Variants in GRIP1 observed in about 807,000 individuals in gnomAD.
GRIP1 encodes the protein glutamate receptor interacting protein 1, also known as glutamate receptor-interacting protein 1.
In GRIP1, 45 loss-of-function variants were observed where a neutral mutation model predicts 129.9. The observed-to-expected ratio is 0.35, with a 90% CI of 0.27 to 0.44. The LOEUF (loss-of-function observed/expected upper bound fraction) is 0.44. Ranked by LOEUF, GRIP1 falls within the 20% of genes least tolerant of loss-of-function variation. The pLI, the probability that GRIP1 is intolerant of heterozygous loss-of-function variation, is 1.00. For missense variants in GRIP1, 1,196 were observed against 1,396.8 expected (o/e 0.86, Z 2.29); for synonymous variants, 530 against 520.8 (o/e 1.02, Z -0.24).
rs1161842314 is a variant in GRIP1 at position 66,418,044 on chromosome 12, AGAGCTAAAGTAACCCAAACACCAT to A, written c.1838+2652_1838+2675del. ...ATTATCTGACTTCAAATTATACTACAGAGCTAAAGTAACCCAAACACCATGGCACTGACAAAAAAACACACATAT... is the reference window on the plus strand; with the variant it reads ...ATTATCTGACTTCAAATTATACTACAGGCACTGACAAAAAAACACACATAT... On this transcript the variant is annotated intron_variant, in intron 15 of 24. Transcript: ENST00000359742. 3.9e-5 allele frequency among the ~76,000 whole-genome samples: 6 copies of A among 152,214 alleles called. No individual in the cohort carries two copies. The East Asian group carries it at 7.7e-4, about 20-fold the overall frequency.
chr12:66,604,538 A>T (rs73325137), intron 1 of GRIP1, among the ~76,000 whole-genome samples: 2,116 of 152,338 alleles, frequency 0.014, 57 homozygotes, highest in African/African-American at 0.049. Context: ...AATTAAAAAC[A>T]TTAAAATCTT....
At chr12:66,391,392 AG>A (rs2056580139) in intron 19 of GRIP1, among the ~76,000 whole-genome samples, 1 of 152,222 alleles carries the variant, frequency 6.6e-6, no homozygotes, top group South Asian at 2.1e-4. Context: ...ATTTTTTAAA[AG>A]AAGCTATTAG....
chr12:66,863,732 C>T (rs1350135633), intron 1 of GRIP1, among the ~76,000 whole-genome samples: 2 of 152,090 alleles, frequency 1.3e-5, no homozygotes, highest in Admixed American at 6.6e-5. Flanking sequence ...GTTCCTCATA[C>T]GCCCTGTGTT....
At chr12:66,607,608 C>T (rs1477905898) in intron 1 of GRIP1, among the ~76,000 whole-genome samples, 1 of 152,162 alleles carries the variant, frequency 6.6e-6, no homozygotes, top group Non-Finnish European at 1.5e-5. Flanking sequence ...GGTGGTATGA[C>T]TTGTGTAGCT....
chr12:66,573,944 C>G (rs865986911), intron 2 of GRIP1, among the ~76,000 whole-genome samples: 1 of 152,136 alleles, frequency 6.6e-6, no homozygotes, highest in African/African-American at 2.4e-5. Flanking sequence ...AGTTCTGCCT[C>G]TAAGATCATG....
At chr12:66,813,373 C>A (rs934151346) in intron 1 of GRIP1, among the ~76,000 whole-genome samples, 42 of 152,278 alleles carry the variant, frequency 2.8e-4, no homozygotes, top group Middle Eastern at 3.4e-3. Flanking sequence ...CCAAGGACCT[C>A]CACTAGGCCC....
chr12:66,611,802 G>A (rs1251922361), intron 1 of GRIP1, among the ~76,000 whole-genome samples: 4 of 386 alleles, frequency 0.01, no homozygotes, highest in South Asian at 0.071. Context: ...TTTCTTCTAC[G>A]GTTTATACAA....
intron 1 of GRIP1, among the ~76,000 whole-genome samples, chr12:66,885,574 CA>C: frequency 6.6e-6 from 1 of 152,188 alleles, no homozygotes; most frequent in Non-Finnish European, 1.5e-5. Context: ...AAGATCAGAT[CA>C]CAGATCACAG....
chr12:66,580,087 A>C (rs1447108405), intron 2 of GRIP1, among the ~76,000 whole-genome samples: 1 of 149,362 alleles, frequency 6.7e-6, no homozygotes, highest in African/African-American at 2.5e-5. Flanking sequence ...GCCAGAAGAC[A>C]GTGGGGGCCA....
At chr12:66,941,613 G>A (rs904111633) in intron 1 of GRIP1, among the ~76,000 whole-genome samples, 6 of 152,138 alleles carry the variant, frequency 3.9e-5, no homozygotes, top group African/African-American at 1.4e-4. Flanking sequence ...ACCGTGAGGA[G>A]CTGCTACAGG....
intron 19 of GRIP1, among the ~76,000 whole-genome samples, chr12:66,390,684 A>G (rs527309775): frequency 6.6e-6 from 1 of 152,206 alleles, no homozygotes; most frequent in Non-Finnish European, 1.5e-5. Context: ...GGTAACAAAA[A>G]TATCTCTACA....
At chr12:66,689,064 G>A (rs112730808) in intron 1 of GRIP1, among the ~76,000 whole-genome samples, 426 of 152,302 alleles carry the variant, frequency 2.8e-3, no homozygotes, top group African/African-American at 9.7e-3. Flanking sequence ...CAAAGGATCA[G>A]AAATGGGAGT....
intron 1 of GRIP1, among the ~76,000 whole-genome samples, chr12:67,010,297 G>A (rs186118997): frequency 1.2e-3 from 186 of 152,298 alleles, no homozygotes; most frequent in Admixed American, 1.2e-3. Context: ...ACAAGTGTAA[G>A]ATCTGACCTA....
intron 1 of GRIP1, among the ~76,000 whole-genome samples, chr12:66,932,425 T>C (rs1228780559): frequency 6.6e-6 from 1 of 152,206 alleles, no homozygotes; most frequent in Non-Finnish European, 1.5e-5. Context: ...GAAATCATCA[T>C]GATCATACAC....
chr12:66,465,195 C>T, intron 8 of GRIP1, 80 bp downstream of exon 8: 2 of 1,232,796 alleles, frequency 1.6e-6, no homozygotes, highest in Admixed American at 1.7e-5. Context: ...ATTCACCCGC[C>T]TCGGCCTCCC....
At chr12:66,416,191 A>T (rs909395439) in intron 15 of GRIP1, among the ~76,000 whole-genome samples, 2 of 152,178 alleles carry the variant, frequency 1.3e-5, no homozygotes, top group African/African-American at 4.8e-5. Flanking sequence ...TAAGAAAATT[A>T]AAAAATTTCG....
chr12:66,928,978 C>A, intron 1 of GRIP1, among the ~76,000 whole-genome samples: 1 of 152,114 alleles, frequency 6.6e-6, no homozygotes, highest in Non-Finnish European at 1.5e-5. Flanking sequence ...TGTCATGGAC[C>A]AGAGAACTGA....
chr12:66,782,486 ATAAT>A (rs2038193473), intron 1 of GRIP1, among the ~76,000 whole-genome samples: 1 of 152,236 alleles, frequency 6.6e-6, no homozygotes, highest in South Asian at 2.1e-4. Flanking sequence ...AAAGACTGAA[ATAAT>A]TAACTACCAA....
intron 1 of GRIP1, among the ~76,000 whole-genome samples, chr12:66,770,484 A>G (rs1417786595): frequency 6.6e-6 from 1 of 152,214 alleles, no homozygotes; most frequent in Non-Finnish European, 1.5e-5. Flanking sequence ...CTTGCACATC[A>G]TGGGACAGAC....
Sources: allele counts gnomAD v4.1 joint callset (sites outside exome capture counted in the v4.1 genomes callset), GRCh38; gene constraint gnomAD v4.1.1; transcripts MANE v1.5; gene names NCBI Gene and HGNC (gene_info 2026-07-23, HGNC 2026-07-21).